Variants in TTLL5 observed in about 807,000 individuals in gnomAD.
TTLL5 encodes the protein tubulin tyrosine ligase like 5, also known as tubulin polyglutamylase TTLL5.
Under a neutral mutation model 168.4 loss-of-function variants are expected in TTLL5, and 132 were observed. The ratio of observed to expected loss-of-function variants is 0.78; its 90% CI spans 0.68 to 0.91. TTLL5 has a LOEUF of 0.91. Ranked by LOEUF, TTLL5 falls within the 40% of genes least tolerant of loss-of-function variation. TTLL5 has a pLI of 0.00. For synonymous variants in TTLL5, 546 were observed against 558.6 expected (o/e 0.98, Z 0.32); for missense variants, 1,545 against 1,581.5 (o/e 0.98, Z 0.39).
At chr14:75,925,153 C>G (rs2033985632) in intron 31 of TTLL5, among the ~76,000 whole-genome samples, 1 of 147,386 alleles carries the variant, frequency 6.8e-6, no homozygotes, top group African/African-American at 2.5e-5. Context: ...CCCCCCACCT[C>G]CCTCCCGGAC....
At chr14:75,914,985 A>G (rs1441231738) in intron 31 of TTLL5, among the ~76,000 whole-genome samples, 1 of 152,206 alleles carries the variant, frequency 6.6e-6, no homozygotes, top group Admixed American at 6.5e-5. Context: ...AACTTGTTAC[A>G]TGGTAGATTT....
At chr14:75,747,931 ACTT>A (rs1889710391) in intron 17 of TTLL5, among the ~76,000 whole-genome samples, 2 of 152,146 alleles carry the variant, frequency 1.3e-5, no homozygotes, top group Non-Finnish European at 2.9e-5. Flanking sequence ...CTTCTGCACA[ACTT>A]CTTCTCCAGG....
chr14:75,886,855 A>T, intron 30 of TTLL5: 3 of 1,514,710 alleles, frequency 2.0e-6, no homozygotes. Context: ...TCCAGGAAAT[A>T]TGGAGAAAGA....
At position 75,897,062 on chromosome 14, in the gene TTLL5, A is replaced by T. The variant is rs191740679; in HGVS notation, c.3741-5080A>T. 1.8e-3 allele frequency among the ~76,000 whole-genome samples: 276 copies of T among 152,314 alleles called. 2 individuals are homozygous for T. Among genetic ancestry groups the T allele is most frequent in the Admixed American group, 3.9e-3 (60 of 15,286 alleles). ...CTATAAGATGAAATACAGGCATTTC[A>T]TCTTACAAGGATATTATTTGTTTTT... On this transcript the variant is annotated intron_variant, in intron 30 of 31. Transcript: ENST00000298832.
intron 20 of TTLL5, among the ~76,000 whole-genome samples, chr14:75,770,413 C>T (rs1326113766): frequency 1.3e-5 from 2 of 152,138 alleles, no homozygotes; most frequent in African/African-American, 4.8e-5. Context: ...AGATGTGCAG[C>T]TTACTTTAGC....
chr14:75,876,043 A>G (rs117778672), intron 29 of TTLL5, among the ~76,000 whole-genome samples: 1,886 of 152,330 alleles, frequency 0.012, 15 homozygotes, highest in South Asian at 0.025. Flanking sequence ...AGCAGAGTCT[A>G]TGGTCATCTG....
At chr14:75,922,613 C>G (rs901983157) in intron 31 of TTLL5, among the ~76,000 whole-genome samples, 2 of 152,204 alleles carry the variant, frequency 1.3e-5, no homozygotes, top group Non-Finnish European at 2.9e-5. Flanking sequence ...TTTTGATGTG[C>G]TGCTGGATTC....
At chr14:75,929,447 CT>C (rs370380415) in intron 31 of TTLL5, among the ~76,000 whole-genome samples, 1,448 of 120,814 alleles carry the variant, frequency 0.012, 25 homozygotes, top group African/African-American at 0.037. Context: ...ATAAAGATAC[CT>C]TTTTTTTTTT....
intron 31 of TTLL5, among the ~76,000 whole-genome samples, chr14:75,935,129 A>G (rs2034396662): frequency 6.6e-6 from 1 of 152,226 alleles, no homozygotes; most frequent in East Asian, 1.9e-4. Context: ...AAGTACACTG[A>G]GTTCCCAGTA....
intron 6 of TTLL5, among the ~76,000 whole-genome samples, chr14:75,693,329 A>G (rs550002107): frequency 6.6e-6 from 1 of 152,350 alleles, no homozygotes; most frequent in African/African-American, 2.4e-5. Flanking sequence ...GGGCCTTTGA[A>G]AGAGAACTGA....
intron 28 of TTLL5, among the ~76,000 whole-genome samples, chr14:75,843,548 TC>T (rs1325363988): frequency 6.6e-6 from 1 of 152,242 alleles, no homozygotes. Flanking sequence ...GTCAACTATT[TC>T]CCATTTCAGA....
Position 75,783,117 on chromosome 14 carries a change from TG to T in TTLL5, c.2603-29del. The stretch of plus-strand genomic sequence containing the variant: ...GATTGTATGTTTGTTTTTCCTATAA[TG>T]ATGTCTTGTTTTGTTTTGTTTTTAA... On this transcript the variant is annotated intron_variant, in intron 25 of 31. Coordinates refer to ENST00000298832, the MANE Select transcript of TTLL5 (RefSeq NM_015072.5). 5 of 1,564,888 alleles carry T rather than the reference TG, an allele frequency of 3.2e-6. No homozygotes were observed. In the South Asian group the frequency reaches 6.0e-5, roughly 19 times the overall value.
At chr14:75,952,566 G>T (rs190407588) in intron 31 of TTLL5, among the ~76,000 whole-genome samples, 2 of 152,288 alleles carry the variant, frequency 1.3e-5, no homozygotes, top group East Asian at 3.9e-4. Flanking sequence ...TTACATCATT[G>T]TTTATAGAAG....
At position 75,773,927 on chromosome 14, in the gene TTLL5, T is replaced by TAGAG. The variant is rs1266575647; in HGVS notation, c.2137-1531_2137-1528dup. Among the ~76,000 whole-genome samples the TAGAG allele has an allele frequency of 4.2e-3, 88 of 21,094 alleles. 1 individual carries two copies. The highest frequency in any genetic ancestry group is 0.022 in the Admixed American group (25 of 1,140). The allele number at this position is 21,094 out of a possible 152,430, so 13.8% of individuals were successfully genotyped here. ...AAATACATATATATATATATATATA[T>TAGAG]AGAGAGAGAGAGAGAGAGAGAGAGA... On this transcript the variant is annotated intron_variant, in intron 21 of 31. Coordinates refer to ENST00000298832, the MANE Select transcript of TTLL5 (RefSeq NM_015072.5).
rs373880732 is a variant in TTLL5 at position 75,707,584 on chromosome 14, C to T, written c.656-39C>T. ...TATTCTGTAACAGGAAACAAATGAA[C>T]TTAGTTTTTTTTTGTGAATACAAAC... On this transcript the variant is annotated intron_variant, in intron 8 of 31. Coordinates refer to ENST00000298832, the MANE Select transcript of TTLL5 (RefSeq NM_015072.5). The T allele has an allele frequency of 1.1e-4, 169 of 1,573,874 alleles. 1 individual carries two copies. In the African/African-American group the frequency reaches 1.1e-3, roughly 11 times the overall value.
At chr14:75,816,470 G>T (rs1273657476) in intron 27 of TTLL5, among the ~76,000 whole-genome samples, 1 of 152,144 alleles carries the variant, frequency 6.6e-6, no homozygotes, top group Non-Finnish European at 1.5e-5. Context: ...TTCCATAAGT[G>T]GTAACTGTTA....
At chr14:75,892,882 G>A (rs1453323448) in intron 30 of TTLL5, among the ~76,000 whole-genome samples, 2 of 152,118 alleles carry the variant, frequency 1.3e-5, no homozygotes, top group Non-Finnish European at 2.9e-5. Flanking sequence ...CCACCATAAT[G>A]CCTGGTTTGG....
chr14:75,875,386 A>C (rs2140000104), intron 29 of TTLL5, among the ~76,000 whole-genome samples: 1 of 150,118 alleles, frequency 6.7e-6, no homozygotes, highest in Admixed American at 6.6e-5. Flanking sequence ...TACTAAAAAA[A>C]AAAAATACAA....
intron 31 of TTLL5, among the ~76,000 whole-genome samples, chr14:75,907,823 A>T (rs1259000653): frequency 2.0e-5 from 3 of 152,260 alleles, no homozygotes; most frequent in Admixed American, 6.5e-5. Flanking sequence ...AGAAGACTAA[A>T]GCAAGAAGGT....
Sources: gnomAD v4.1 joint callset for allele counts (sites outside exome capture counted in the v4.1 genomes callset) on GRCh38, gnomAD v4.1.1 for gene constraint, MANE v1.5 for transcripts, NCBI Gene and HGNC (gene_info 2026-07-23, HGNC 2026-07-21) for gene names.